PCDHGA1: variants seen among roughly 807,000 people sequenced by gnomAD.
The protein encoded by PCDHGA1 is protocadherin gamma subfamily A, 1.
Under a neutral mutation model 58.0 loss-of-function variants are expected in PCDHGA1, and 32 were observed. The observed-to-expected ratio is 0.55, with a 90% CI of 0.42 to 0.74. The LOEUF (loss-of-function observed/expected upper bound fraction) is 0.74. Ranked by LOEUF, PCDHGA1 falls within the 30% of genes least tolerant of loss-of-function variation. PCDHGA1 has a pLI of 0.00. For synonymous variants in PCDHGA1, 498 were observed against 501.1 expected (o/e 0.99, Z 0.08); for missense variants, 1,205 against 1,182.3 (o/e 1.02, Z -0.28).
At chr5:141,415,640 T>C in intron 1 of PCDHGA1, 1 of 1,594,726 alleles carries the variant, frequency 6.3e-7, no homozygotes, top group Non-Finnish European at 8.5e-7. Context: ...TTTACTTTTG[T>C]TAAAAAAAAA....
chr5:141,399,797 G>C lies in PCDHGA1; in HGVS notation c.2421+66692G>C, dbSNP rs760211919. On this transcript the variant is annotated intron_variant, in intron 1 of 3. Coordinates refer to ENST00000517417, the MANE Select transcript of PCDHGA1 (RefSeq NM_018912.3). ...GGCGACCGAAACGACAACGCACCGC[G>C]GGTGCTGTACCCCGCGCTGGGTCCC... 4.3e-6 allele frequency: 7 copies of C among 1,613,192 alleles called. No homozygotes were observed. In the South Asian group the frequency reaches 7.7e-5, roughly 18 times the overall value.
intron 1 of PCDHGA1, chr5:141,414,754 G>A: frequency 6.2e-7 from 1 of 1,614,190 alleles, no homozygotes; most frequent in Non-Finnish European, 8.5e-7. Flanking sequence ...CTTCGACTAT[G>A]AGCAGTTTCA....
intron 1 of PCDHGA1, among the ~76,000 whole-genome samples, chr5:141,368,535 T>C (rs1765706037): frequency 6.6e-6 from 1 of 152,178 alleles, no homozygotes; most frequent in South Asian, 2.1e-4. Context: ...AAAACTTGCT[T>C]TTCCATTTTT....
In PCDHGA1 at chr5:141,486,697, C is replaced by T. The variant is rs146956400; in HGVS notation, c.2422-8110C>T. 89 of 1,614,058 alleles carry T rather than the reference C, an allele frequency of 5.5e-5. No homozygotes were observed. Among genetic ancestry groups the T allele is most frequent in the Non-Finnish European group, 7.4e-5 (87 of 1,180,040 alleles). ...GAGATGTATCAGCTTCCTCTTTCAT[C>T]TCTCTGAACCCCCAGACAGGAGCTG... On this transcript the variant is annotated intron_variant, in intron 1 of 3. Coordinates refer to ENST00000517417, the MANE Select transcript of PCDHGA1 (RefSeq NM_018912.3). The surrounding 1 kb of genome is among the most constrained non-coding windows in gnomAD (Gnocchi z 5.0).
At chr5:141,340,885 C>T in intron 1 of PCDHGA1, 1 of 1,613,682 alleles carries the variant, frequency 6.2e-7, no homozygotes, top group East Asian at 2.2e-5. Context: ...GAGACGCGCT[C>T]AAGCAGAGCC....
In PCDHGA1 at chr5:141,511,032, G is replaced by A; in HGVS notation, c.2655G>A (p.Gln885=). 1.2e-6 allele frequency: 2 copies of A among 1,614,228 alleles called. No homozygotes were observed. The highest frequency in any genetic ancestry group is 2.2e-5 in the East Asian group (1 of 44,888). The change falls in exon 4 of 4, where the codon CAG becomes CAA. Residue 885 remains glutamine, a synonymous_variant. Transcript: ENST00000517417. Reference sequence around the variant, plus strand: ...GCTACGGACCCCAGTTCACCCTGCAGCACGTGCCCGACTACCGCCAGAATG... The same window carrying A: ...GCTACGGACCCCAGTTCACCCTGCAACACGTGCCCGACTACCGCCAGAATG... ...SARYGPQFTL[Q]HVPDYRQNVY...
At chr5:141,370,551 G>C in intron 1 of PCDHGA1, 13 of 1,613,928 alleles carry the variant, frequency 8.1e-6, no homozygotes, top group Non-Finnish European at 1.0e-5. Flanking sequence ...CCTCGCCAAG[G>C]ACCTGGGGTT....
chr5:141,430,666 G>A (rs2097301396), intron 1 of PCDHGA1: 1 of 1,222,518 alleles, frequency 8.2e-7, no homozygotes, highest in Admixed American at 2.7e-5. Flanking sequence ...GAGGAGCTCT[G>A]ACTTCCCAAC....
intron 1 of PCDHGA1, among the ~76,000 whole-genome samples, chr5:141,386,303 T>G (rs938709302): frequency 6.6e-6 from 1 of 152,202 alleles, no homozygotes; most frequent in Non-Finnish European, 1.5e-5. Context: ...TTAGTAAAGC[T>G]CAGTATATCA....
At chr5:141,392,728 G>A in intron 1 of PCDHGA1, 3 of 1,407,730 alleles carry the variant, frequency 2.1e-6, no homozygotes, top group Non-Finnish European at 2.8e-6. Flanking sequence ...CCGGAGGATT[G>A]TCATCTCCAT....
At chr5:141,492,727 G>A (rs2099743408) in intron 1 of PCDHGA1, among the ~76,000 whole-genome samples, 1 of 152,274 alleles carries the variant, frequency 6.6e-6, no homozygotes, top group South Asian at 2.1e-4. Flanking sequence ...GACAGGCAGA[G>A]CTGCCCAGTG....
chr5:141,466,450 G>A lies in PCDHGA1; in HGVS notation c.2422-28357G>A, dbSNP rs139024933. Reference sequence around the variant, plus strand: ...TAAGCTGAACCGAGATGTCTATGGTGTTGGCTATTGTTTCTGCTGTTAATT... The same window carrying A: ...TAAGCTGAACCGAGATGTCTATGGTATTGGCTATTGTTTCTGCTGTTAATT... On this transcript the variant is annotated intron_variant, in intron 1 of 3. Coordinates refer to ENST00000517417, the MANE Select transcript of PCDHGA1 (RefSeq NM_018912.3). Among the ~76,000 whole-genome samples, 714 of 152,290 alleles carry A rather than the reference G, an allele frequency of 4.7e-3. 2 individuals are homozygous for A. Among genetic ancestry groups the A allele is most frequent in the Non-Finnish European group, 7.0e-3 (479 of 68,028 alleles).
chr5:141,370,554 C>G, intron 1 of PCDHGA1: 2 of 1,613,894 alleles, frequency 1.2e-6, no homozygotes, highest in Non-Finnish European at 1.7e-6. Flanking sequence ...CGCCAAGGAC[C>G]TGGGGTTTGG....
chr5:141,419,275 G>T (rs777238100), intron 1 of PCDHGA1: 35 of 1,613,856 alleles, frequency 2.2e-5, no homozygotes, highest in Non-Finnish European at 2.9e-5. Flanking sequence ...CCTCCATAGC[G>T]CAAGTCAGTG....
chr5:141,346,053 G>A (rs757402197), intron 1 of PCDHGA1: 1 of 1,613,572 alleles, frequency 6.2e-7, no homozygotes, highest in East Asian at 2.2e-5. Flanking sequence ...CATCCTGGCC[G>A]ACCTGGGCAG....
At chr5:141,389,250 A>G (rs1365678326) in intron 1 of PCDHGA1, 16 of 1,614,012 alleles carry the variant, frequency 9.9e-6, no homozygotes, top group Middle Eastern at 1.6e-4. Flanking sequence ...GTCTTCCTAT[A>G]TAGTCCACGT....
At chr5:141,370,974 C>G in intron 1 of PCDHGA1, 3 of 1,613,996 alleles carry the variant, frequency 1.9e-6, no homozygotes, top group Non-Finnish European at 2.5e-6. Context: ...GTACCCAGAG[C>G]TAGTACTGAA....
chr5:141,413,891 C>G, intron 1 of PCDHGA1: 1 of 1,613,382 alleles, frequency 6.2e-7, no homozygotes, highest in East Asian at 2.2e-5. Flanking sequence ...GTCTTCGATG[C>G]AAATGACAAC....
At chr5:141,360,070 C>T (rs1230687498) in intron 1 of PCDHGA1, 2 of 1,469,578 alleles carry the variant, frequency 1.4e-6, no homozygotes, top group Non-Finnish European at 1.8e-6. Context: ...GTGACCTTAG[C>T]CCGGATTCTG....
Sources: gnomAD v4.1 joint callset for allele counts (sites outside exome capture counted in the v4.1 genomes callset) on GRCh38, gnomAD v4.1.1 for gene constraint, Gnocchi (gnomAD v3.1) non-coding constraint, MANE v1.5 for transcripts, NCBI Gene and HGNC (gene_info 2026-07-23, HGNC 2026-07-21) for gene names.